NTM: variants seen among roughly 807,000 people sequenced by gnomAD.
NTM encodes the protein IgLON family member 2.
In NTM, 13 loss-of-function variants were observed where a neutral mutation model predicts 42.1. The observed-to-expected ratio is 0.31, with a 90% CI of 0.20 to 0.49. The LOEUF is 0.49. Among genes scored for constraint, NTM ranks in the 20% least tolerant of loss-of-function variants. The probability of loss-of-function intolerance (pLI) is 0.99; values close to 1 mark genes in which losing one functional copy is unlikely to be tolerated. For missense variants in NTM, 373 were observed against 452.8 expected (o/e 0.82, Z 1.60); for synonymous variants, 187 against 179.2 (o/e 1.04, Z -0.35).
At chr11:131,497,509 GCCCT>G (rs905818998) in intron 1 of NTM, among the ~76,000 whole-genome samples, 1 of 121,192 alleles carries the variant, frequency 8.3e-6, no homozygotes, top group Non-Finnish European at 1.8e-5. Flanking sequence ...TTTCTAAGAG[GCCCT>G]TTCTGAGAGT....
At chr11:132,038,201 G>T (rs967778299) in intron 2 of NTM, among the ~76,000 whole-genome samples, 2 of 152,226 alleles carry the variant, frequency 1.3e-5, no homozygotes, top group Non-Finnish European at 2.9e-5. Context: ...GTGACTGAAG[G>T]CAACCTGAAT....
Position 131,789,422 on chromosome 11 carries a change from AG to A in NTM, c.83-122141del, listed in dbSNP as rs1207147346. Among the ~76,000 whole-genome samples, 175 of 25,248 alleles carry A rather than the reference AG, an allele frequency of 6.9e-3. 53 individuals are homozygous for A. The highest frequency in any genetic ancestry group is 0.035 in the African/African-American group (172 of 4,890). The allele number at this position is 25,248 out of a possible 152,430, so 16.6% of individuals were successfully genotyped here. A position where few individuals can be genotyped will look rare whatever the true frequency, so the allele number is the denominator to read the frequency against. On this transcript the variant is annotated intron_variant, in intron 1 of 8. Coordinates refer to ENST00000683400, the MANE Select transcript of NTM (RefSeq NM_001352005.2). Reference sequence around the variant, plus strand: ...GTATTGCTGCAGTTAAAAGAAAAAAAGAAGAAGGAAGAAGAAGAAGAAGAAG... The same window carrying A: ...GTATTGCTGCAGTTAAAAGAAAAAAAAAGAAGGAAGAAGAAGAAGAAGAAG...
At chr11:132,196,862 C>T (rs1029015700) in intron 3 of NTM, among the ~76,000 whole-genome samples, 8 of 152,082 alleles carry the variant, frequency 5.3e-5, no homozygotes, top group Non-Finnish European at 1.2e-4. Context: ...ATTAATACAC[C>T]AAATTTACCC....
At chr11:131,709,400 G>A (rs577626603) in intron 1 of NTM, among the ~76,000 whole-genome samples, 2 of 152,294 alleles carry the variant, frequency 1.3e-5, no homozygotes, top group Non-Finnish European at 2.9e-5. Context: ...AGGCTATTTT[G>A]CAATAATGCA....
intron 1 of NTM, among the ~76,000 whole-genome samples, chr11:131,675,962 C>A (rs1159475224): frequency 2.0e-5 from 3 of 152,150 alleles, no homozygotes; most frequent in African/African-American, 7.2e-5. Flanking sequence ...TTATGGCTTT[C>A]ACCTTTGGTG....
chr11:132,288,323 C>G (rs956659043), intron 4 of NTM, among the ~76,000 whole-genome samples: 21 of 152,194 alleles, frequency 1.4e-4, no homozygotes, highest in Admixed American at 2.6e-4. Context: ...TTTACTTAAA[C>G]TTAAAGGGCA....
At chr11:131,846,207 T>A (rs891917288) in intron 1 of NTM, among the ~76,000 whole-genome samples, 1 of 152,190 alleles carries the variant, frequency 6.6e-6, no homozygotes, top group African/African-American at 2.4e-5. Flanking sequence ...TATATACCAA[T>A]TTGTTGTATC....
chr11:132,121,615 A>G (rs1169947581), intron 2 of NTM, among the ~76,000 whole-genome samples: 1 of 152,116 alleles, frequency 6.6e-6, no homozygotes, highest in African/African-American at 2.4e-5. Context: ...TCTCTCTTAA[A>G]TTCTACCTCA....
At chr11:131,817,113 G>T (rs931779640) in intron 1 of NTM, among the ~76,000 whole-genome samples, 1 of 152,100 alleles carries the variant, frequency 6.6e-6, no homozygotes, top group African/African-American at 2.4e-5. Context: ...GTTTGGCTGG[G>T]TCTATTATTT....
intron 1 of NTM, among the ~76,000 whole-genome samples, chr11:131,389,399 C>T (rs375957960): frequency 6.6e-5 from 10 of 152,178 alleles, no homozygotes; most frequent in Non-Finnish European, 7.3e-5. Flanking sequence ...CTCGGCAAAG[C>T]GGCAGCCTGG....
chr11:131,610,079 C>T (rs1365352904), intron 1 of NTM, among the ~76,000 whole-genome samples: 2 of 152,252 alleles, frequency 1.3e-5, no homozygotes, highest in African/African-American at 4.8e-5. Context: ...TCCAGCTTCC[C>T]ACAGTGGGTA....
At chr11:131,899,533 C>T (rs978401985) in intron 1 of NTM, among the ~76,000 whole-genome samples, 2 of 152,164 alleles carry the variant, frequency 1.3e-5, no homozygotes, top group African/African-American at 4.8e-5. Flanking sequence ...AGAAAGGTCA[C>T]ACTGGGTCAC....
At chr11:132,169,320 C>CTGTTTTTTTTTTTTTTTTTTTTTTTT (rs2075775223) in intron 3 of NTM, among the ~76,000 whole-genome samples, 1 of 32,358 alleles carries the variant, frequency 3.1e-5, no homozygotes, top group Non-Finnish European at 5.4e-5. Flanking sequence ...AATTTTTTTA[C>CTGTTTTTTTTTTTTTTTTTTTTTTTT]TTTTTTTTTT....
intron 1 of NTM, among the ~76,000 whole-genome samples, chr11:131,588,610 A>G (rs2059090646): frequency 6.6e-6 from 1 of 152,240 alleles, no homozygotes. Context: ...GTCTACCTAG[A>G]ACCAAAACAG....
chr11:131,965,131 G>A lies in NTM; in HGVS notation c.167+53483G>A, dbSNP rs542219511. ...GCAGAATGAGGGAGACAGGAGCTCC[G>A]AAAACGATGAAGTGCATGACAAAGC... is the stretch of plus-strand genomic sequence containing the variant. On this transcript the variant is annotated intron_variant, in intron 2 of 8. Transcript: ENST00000683400. 6.0e-4 allele frequency among the ~76,000 whole-genome samples: 92 copies of A among 152,188 alleles called. 1 individual carries two copies. Among genetic ancestry groups the A allele is most frequent in the Non-Finnish European group, 1.2e-3 (79 of 68,012 alleles).
intron 1 of NTM, among the ~76,000 whole-genome samples, chr11:131,629,023 C>T (rs907909331): frequency 7.2e-5 from 11 of 152,172 alleles, no homozygotes; most frequent in South Asian, 4.1e-4. Context: ...TTGAAGGAAT[C>T]GGCAATAAGC....
intron 2 of NTM, among the ~76,000 whole-genome samples, chr11:132,097,826 A>T (rs1310283831): frequency 6.6e-6 from 1 of 152,196 alleles, no homozygotes; most frequent in African/African-American, 2.4e-5. Context: ...AGCCAGAGGG[A>T]AAAGGGTTCC....
intron 1 of NTM, among the ~76,000 whole-genome samples, chr11:131,644,027 A>G (rs2065462885): frequency 6.6e-6 from 1 of 152,182 alleles, no homozygotes; most frequent in Non-Finnish European, 1.5e-5. Context: ...CTCCCAGGAG[A>G]ATACAGAGTG....
intron 2 of NTM, among the ~76,000 whole-genome samples, chr11:132,027,406 A>G (rs2075328777): frequency 6.6e-6 from 1 of 152,240 alleles, no homozygotes; most frequent in Non-Finnish European, 1.5e-5. Flanking sequence ...AACATATTTT[A>G]ACATTTATTG....
Sources: gnomAD v4.1 joint callset for allele counts (sites outside exome capture counted in the v4.1 genomes callset) on GRCh38, gnomAD v4.1.1 for gene constraint, MANE v1.5 for transcripts, NCBI Gene and HGNC (gene_info 2026-07-23, HGNC 2026-07-21) for gene names.